Variants in STAU2 observed in about 807,000 individuals in gnomAD.
STAU2 encodes double-stranded RNA-binding protein Staufen homolog 2.
STAU2 carries 20 observed loss-of-function variants against 65.9 expected under a neutral mutation model. That is an observed-to-expected ratio of 0.30 (90% confidence interval 0.21 to 0.44). The LOEUF (loss-of-function observed/expected upper bound fraction) is 0.44. Among genes scored for constraint, STAU2 ranks in the 20% least tolerant of loss-of-function variants. The probability of loss-of-function intolerance (pLI) is 1.00; values close to 1 mark genes in which losing one functional copy is unlikely to be tolerated. For synonymous variants in STAU2, 232 were observed against 233.9 expected (o/e 0.99, Z 0.07); for missense variants, 558 against 683.9 (o/e 0.82, Z 2.05).
intron 12 of STAU2, among the ~76,000 whole-genome samples, chr8:73,576,437 T>G (rs1344307904): frequency 1.3e-5 from 2 of 151,770 alleles, no homozygotes; most frequent in African/African-American, 2.4e-5. Context: ...AAATAAGTAC[T>G]GATAAGGACT....
At chr8:73,675,370 T>TAC (rs34764136) in intron 5 of STAU2, 76,598 of 145,318 alleles carry the variant, frequency 0.53, 20,420 homozygotes, top group Non-Finnish European at 0.61. Context: ...CATACATGTA[T>TAC]ACACACACAC....
At chr8:73,709,291 A>C in intron 3 of STAU2, 129 bp from the exon 4 acceptor site, 1 of 801,600 alleles carries the variant, frequency 1.2e-6, no homozygotes, top group Non-Finnish European at 1.8e-6. Context: ...TTAAAAATTC[A>C]AATTACCTAA....
chr8:73,619,208 G>A (rs539509188), intron 6 of STAU2, among the ~76,000 whole-genome samples: 41 of 152,100 alleles, frequency 2.7e-4, no homozygotes, highest in Non-Finnish European at 5.3e-4. Context: ...CTTCCTGAAA[G>A]TCAAACAGGA....
chr8:73,730,652 C>T (rs1055700901), intron 3 of STAU2, among the ~76,000 whole-genome samples: 6 of 146,260 alleles, frequency 4.1e-5, no homozygotes, highest in African/African-American at 1.0e-4. Flanking sequence ...ACTTGAACCC[C>T]GGAGGCAGAG....
chr8:73,730,683 A>C (rs1271618248), intron 3 of STAU2, among the ~76,000 whole-genome samples: 1 of 147,406 alleles, frequency 6.8e-6, no homozygotes, highest in African/African-American at 2.5e-5. Flanking sequence ...GCCAAGATGG[A>C]GACATTGCAC....
At chr8:73,572,549 C>A (rs1465731932) in intron 12 of STAU2, among the ~76,000 whole-genome samples, 3 of 152,188 alleles carry the variant, frequency 2.0e-5, no homozygotes, top group Admixed American at 6.5e-5. Context: ...AGCTTATCCA[C>A]CACGATCAAG....
chr8:73,444,552 TA>T (rs1204293714), intron 13 of STAU2, among the ~76,000 whole-genome samples: 1 of 152,188 alleles, frequency 6.6e-6, no homozygotes, highest in African/African-American at 2.4e-5. Flanking sequence ...TGTGAGTAAT[TA>T]GTTTCTACTG....
At chr8:73,550,982 T>G (rs530049906) in intron 13 of STAU2, 4 of 986,080 alleles carry the variant, frequency 4.1e-6, no homozygotes, top group Non-Finnish European at 4.8e-6. Flanking sequence ...TTCTAGAGCA[T>G]TTCTAAAGGA....
At chr8:73,608,068 C>T (rs1359272428) in intron 9 of STAU2, among the ~76,000 whole-genome samples, 3 of 152,110 alleles carry the variant, frequency 2.0e-5, no homozygotes, top group Admixed American at 6.5e-5. Flanking sequence ...CATGGTCTTT[C>T]AAACTATGTT....
chr8:73,712,406 C>G (rs1309244663), intron 3 of STAU2, among the ~76,000 whole-genome samples: 1 of 151,946 alleles, frequency 6.6e-6, no homozygotes. Context: ...TCTCACTTTC[C>G]CACAAAGTAA....
At chr8:73,501,343 T>C (rs571347368) in intron 13 of STAU2, among the ~76,000 whole-genome samples, 1 of 152,082 alleles carries the variant, frequency 6.6e-6, no homozygotes, top group South Asian at 2.1e-4. Context: ...AATACATCTC[T>C]ATACAAAGAA....
intron 5 of STAU2, among the ~76,000 whole-genome samples, chr8:73,676,265 C>A (rs1818021322): frequency 6.6e-6 from 1 of 152,152 alleles, no homozygotes; most frequent in Non-Finnish European, 1.5e-5. Context: ...GAGTTACAGT[C>A]ACCAGGTTTA....
At position 73,629,826 on chromosome 8, in the gene STAU2, G is replaced by A. The variant is rs76698762; in HGVS notation, c.411-12375C>T. 4.3e-3 allele frequency among the ~76,000 whole-genome samples: 652 copies of A among 152,164 alleles called. 7 individuals carry two copies. Among genetic ancestry groups the A allele is most frequent in the African/African-American group, 0.015 (608 of 41,506 alleles). On this transcript the variant is annotated intron_variant, in intron 6 of 14. Transcript: ENST00000524300. ...CTGTCACCCAGGCTGAAGTGTAGTC[G>A]TGCGATTATGCCTCACTGCAGCCTC...
intron 13 of STAU2, among the ~76,000 whole-genome samples, chr8:73,441,724 G>T (rs1183937292): frequency 1.3e-5 from 2 of 152,074 alleles, no homozygotes; most frequent in South Asian, 2.1e-4. Context: ...AGATTATTTC[G>T]CCCGTTTATT....
At chr8:73,429,782 CAG>C (rs1294329135) in intron 13 of STAU2, among the ~76,000 whole-genome samples, 1 of 152,148 alleles carries the variant, frequency 6.6e-6, no homozygotes, top group Non-Finnish European at 1.5e-5. Flanking sequence ...CTGATTTCAG[CAG>C]AGTTTCTTTT....
chr8:73,702,505 C>G (rs1035477968), intron 4 of STAU2, among the ~76,000 whole-genome samples: 1 of 151,948 alleles, frequency 6.6e-6, no homozygotes, highest in African/African-American at 2.4e-5. Context: ...ACCAAAATAT[C>G]TCATGTACTT....
chr8:73,625,876 A>G (rs999099716), intron 6 of STAU2, among the ~76,000 whole-genome samples: 10 of 152,118 alleles, frequency 6.6e-5, no homozygotes, highest in African/African-American at 1.9e-4. Flanking sequence ...AGGGAAGTGT[A>G]AAAGACCTCC....
chr8:73,613,853 T>C lies in STAU2; in HGVS notation c.782A>G (p.Lys261Arg). 5 of 1,613,718 alleles carry C rather than the reference T, an allele frequency of 3.1e-6. No individual in the cohort carries two copies. Among genetic ancestry groups the C allele is most frequent in the Non-Finnish European group, 4.2e-6 (5 of 1,179,864 alleles). ...TAAGACGGTGGTCGCAGCGCGCTTC[T>C]TGGAGAGTTTTTTGCTATTTCCTTC... ...EGEGNSKKLS[K>R]KRAATTVLQE... The change falls in exon 9 of 15, where the codon AAG becomes AGG. Residue 261 changes from lysine to arginine, a missense_variant. By Grantham distance (26) the Lys-to-Arg change is conservative. Around this residue, in one of 3 missense-constraint regions of STAU2, gnomAD observed 199 missense variants for 299.5 expected, o/e 0.66. Transcript: ENST00000524300.
At chr8:73,660,907 T>A (rs1252304083) in intron 6 of STAU2, among the ~76,000 whole-genome samples, 3 of 152,222 alleles carry the variant, frequency 2.0e-5, no homozygotes, top group Non-Finnish European at 4.4e-5. Context: ...CTGATTTAAT[T>A]TTTTTAATTA....
Sources: allele counts gnomAD v4.1 joint callset (sites outside exome capture counted in the v4.1 genomes callset), GRCh38; gene constraint gnomAD v4.1.1; regional missense constraint gnomAD v4.1.1; transcripts MANE v1.5; gene names NCBI Gene and HGNC (gene_info 2026-07-23, HGNC 2026-07-21).